Variants in TGM4 observed in about 807,000 individuals in gnomAD.
The protein encoded by TGM4 is transglutaminase 4, also known as protein-glutamine gamma-glutamyltransferase 4.
In TGM4, 61 loss-of-function variants were observed where a neutral mutation model predicts 76.3. That is an observed-to-expected ratio of 0.80 (90% CI 0.65 to 0.99). The LOEUF (loss-of-function observed/expected upper bound fraction) is 0.99, where lower values mean the gene tolerates loss of function less well. Among genes scored for constraint, TGM4 ranks in the 50% least tolerant of loss-of-function variants. The probability of loss-of-function intolerance (pLI) is 0.00; values close to 1 mark genes in which losing one functional copy is unlikely to be tolerated. For synonymous variants in TGM4, 337 were observed against 329.8 expected (o/e 1.02, Z -0.24); for missense variants, 794 against 843.2 (o/e 0.94, Z 0.72).
chr3:44,906,186 G>C (rs912972406), intron 9 of TGM4, among the ~76,000 whole-genome samples: 3 of 152,196 alleles, frequency 2.0e-5, no homozygotes, highest in African/African-American at 7.2e-5. Context: ...CTGCCTTAAA[G>C]AGGCAAGGGA....
chr3:44,880,994 G>C (rs1026419778), intron 1 of TGM4, among the ~76,000 whole-genome samples: 2 of 152,128 alleles, frequency 1.3e-5, no homozygotes, highest in African/African-American at 4.8e-5. Flanking sequence ...GAGGCAGGAG[G>C]ATCGCTTGAA....
intron 5 of TGM4, among the ~76,000 whole-genome samples, chr3:44,894,656 A>G (rs1227517758): frequency 6.6e-6 from 1 of 151,368 alleles, no homozygotes; most frequent in African/African-American, 2.4e-5. Context: ...CCCTCCCCCA[A>G]GATTTGACAA....
chr3:44,896,685 C>CTCT (rs745311734), intron 5 of TGM4, 24 bp from the exon 6 acceptor site: 1 of 1,611,192 alleles, frequency 6.2e-7, no homozygotes, highest in South Asian at 1.1e-5. Flanking sequence ...TCTTAACTGC[C>CTCT]TCTTTCTTCA....
At chr3:44,897,239 C>T (rs1468318852) in intron 6 of TGM4, among the ~76,000 whole-genome samples, 2 of 151,880 alleles carry the variant, frequency 1.3e-5, no homozygotes, top group Non-Finnish European at 2.9e-5. Context: ...CTCCTGACCT[C>T]GTGATCCACC....
chr3:44,899,843 C>T (rs1699828591), intron 6 of TGM4, among the ~76,000 whole-genome samples: 2 of 152,200 alleles, frequency 1.3e-5, no homozygotes, highest in South Asian at 4.1e-4. Flanking sequence ...AGCCTCAGGT[C>T]AGGGCAGCTC....
chr3:44,903,564 T>C (rs1281250029), intron 8 of TGM4: 1 of 332,980 alleles, frequency 3.0e-6, no homozygotes, highest in Non-Finnish European at 5.6e-6. Context: ...ACAGATAAGA[T>C]TTAGTTCTGC....
chr3:44,894,938 C>T (rs75567582), intron 5 of TGM4, among the ~76,000 whole-genome samples: 3,043 of 152,134 alleles, frequency 0.02, 52 homozygotes, highest in Middle Eastern at 0.065. Context: ...GACAGCCAAA[C>T]GAACCGCAGG....
Position 44,901,639 on chromosome 3 carries a change from A to G in TGM4, c.773A>G (p.Asn258Ser). 6.2e-7 allele frequency: 1 copy of G among 1,614,214 alleles called. No individual in the cohort carries two copies. The highest frequency in any genetic ancestry group is 8.5e-7 in the Non-Finnish European group (1 of 1,180,036). ...GSAPILQQYY[N>S]TKQAVCFGQC... ...GCCCCGATCCTGCAGCAGTACTACA[A>G]CACGAAGCAGGCTGTGTGCTTTGGC... Residue 258 changes from asparagine to serine, a missense_variant, in exon 7 of 14, where the codon AAC becomes AGC. Transcript: ENST00000296125.
At position 44,896,560 on chromosome 3, in the gene TGM4, A is replaced by T. The variant is rs948562012; in HGVS notation, c.550-149A>T. On this transcript the variant is annotated intron_variant, in intron 5 of 13. Transcript: ENST00000296125. ...GACATTTAAATGGTTTCTAATTTTC[A>T]GTGCTGTGGTGGACTTTTTTATGAG... 4.7e-6 allele frequency: 3 copies of T among 639,412 alleles called. No individual in the cohort carries two copies. In the Admixed American group the frequency reaches 7.5e-5, roughly 16 times the overall value. The allele number at this position is 639,412 out of a possible 1,614,324, so 39.6% of individuals were successfully genotyped here.
intron 11 of TGM4, 66 bp downstream of exon 11, chr3:44,910,434 T>G (rs1404903157): frequency 7.1e-6 from 11 of 1,550,894 alleles, no homozygotes; most frequent in Non-Finnish European, 9.6e-6. Context: ...AAATCCCTCT[T>G]CTCCTCTGTG....
At position 44,913,639 on chromosome 3, in the gene TGM4, A is replaced by G. The variant is rs2125762391; in HGVS notation, c.1969A>G (p.Thr657Ala). Residue 657 changes from threonine (T) to alanine (A), a missense_variant, in exon 14 of 14, where the codon ACT becomes GCT. Transcript: ENST00000296125. The part of the protein sequence containing the change: ...QSQIKCTPIK[T>A]GPKKFIVKLS... ...CCAAATAAAATGCACCCCAATAAAA[A>G]CTGGACCCAAGAAATTTATCGTCAA... The G allele has an allele frequency of 1.2e-6, 2 of 1,614,200 alleles. No homozygotes were observed.
At chr3:44,887,598 C>T (rs554325450) in intron 2 of TGM4, 91 bp from the exon 3 acceptor site, 251 of 1,167,308 alleles carry the variant, frequency 2.2e-4, no homozygotes, top group Non-Finnish European at 2.5e-4. Context: ...GTGGGGGCTC[C>T]ATGAGTGGGC....
intron 3 of TGM4, chr3:44,889,170 TAAAAA>T (rs546432543): frequency 0.094 from 3,705 of 39,434 alleles, 53 homozygotes; most frequent in South Asian, 0.14. Flanking sequence ...CCATCTCTAC[TAAAAA>T]AAAAAAAAAA....
chr3:44,883,031 C>T (rs917235665), intron 1 of TGM4, among the ~76,000 whole-genome samples: 1 of 152,192 alleles, frequency 6.6e-6, no homozygotes, highest in African/African-American at 2.4e-5. Context: ...AAAACCTATA[C>T]CTTTACCCCT....
chr3:44,912,304 A>C (rs968384930), intron 13 of TGM4, among the ~76,000 whole-genome samples: 1 of 152,120 alleles, frequency 6.6e-6, no homozygotes, highest in Non-Finnish European at 1.5e-5. Context: ...TTATTTACAC[A>C]ATTAGGTATT....
At chr3:44,883,769 G>A (rs534961936) in intron 1 of TGM4, among the ~76,000 whole-genome samples, 1 of 152,330 alleles carries the variant, frequency 6.6e-6, no homozygotes, top group South Asian at 2.1e-4. Context: ...GCAAGAATGA[G>A]CTGTGCTGTC....
intron 1 of TGM4, among the ~76,000 whole-genome samples, chr3:44,883,379 G>T (rs1699558138): frequency 6.6e-6 from 1 of 152,158 alleles, no homozygotes; most frequent in African/African-American, 2.4e-5. Context: ...GGAGGGAGTT[G>T]GTCCTCTCTC....
At chr3:44,892,000 T>C (rs1168875923) in intron 4 of TGM4, among the ~76,000 whole-genome samples, 1 of 150,738 alleles carries the variant, frequency 6.6e-6, no homozygotes, top group Non-Finnish European at 1.5e-5. Context: ...GGCTCATGCC[T>C]GTAATCCCAG....
intron 8 of TGM4, among the ~76,000 whole-genome samples, chr3:44,902,685 A>C (rs1699871466): frequency 6.6e-6 from 1 of 152,226 alleles, no homozygotes; most frequent in African/African-American, 2.4e-5. Context: ...AAGGGCCAGG[A>C]GTCTGAAGTT....
Sources: allele counts gnomAD v4.1 joint callset (sites outside exome capture counted in the v4.1 genomes callset), GRCh38; gene constraint gnomAD v4.1.1; transcripts MANE v1.5; gene names NCBI Gene and HGNC (gene_info 2026-07-23, HGNC 2026-07-21).